The following RCAN2 variants were observed in gnomAD, a reference collection of about 807,000 sequenced individuals.
RCAN2 encodes the protein regulator of calcineurin 2.
Under a neutral mutation model 23.6 loss-of-function variants are expected in RCAN2, and 9 were observed. The observed-to-expected ratio is 0.38, with a 90% CI of 0.23 to 0.67. RCAN2 has a LOEUF of 0.67. RCAN2 is among the 30% of genes least tolerant of loss of function. The pLI is 0.51. For synonymous variants in RCAN2, 109 were observed against 115.7 expected, an observed-to-expected ratio of 0.94 and a Z score of 0.37; for missense variants, 273 against 302.3, an observed-to-expected ratio of 0.90 and a Z score of 0.72.
At chr6:46,463,129 G>A (rs1768273575) in intron 1 of RCAN2, among the ~76,000 whole-genome samples, 1 of 152,160 alleles carries the variant, frequency 6.6e-6, no homozygotes, top group South Asian at 2.1e-4. Context: ...TTGGCAACCT[G>A]GAGAGATCAT....
intron 2 of RCAN2, among the ~76,000 whole-genome samples, chr6:46,431,683 C>T (rs1258010963): frequency 6.6e-6 from 1 of 152,116 alleles, no homozygotes; most frequent in African/African-American, 2.4e-5. Flanking sequence ...AACAACAAAA[C>T]ATTTATTGGC....
chr6:46,273,831 T>G (rs2150334392), intron 2 of RCAN2, among the ~76,000 whole-genome samples: 1 of 152,262 alleles, frequency 6.6e-6, no homozygotes, highest in South Asian at 2.1e-4. Flanking sequence ...ATCATTTCCT[T>G]TTTAGAGAGC....
intron 2 of RCAN2, among the ~76,000 whole-genome samples, chr6:46,389,214 G>T (rs1765857751): frequency 6.6e-6 from 1 of 152,190 alleles, no homozygotes; most frequent in Non-Finnish European, 1.5e-5. Context: ...AGCAAAGTTT[G>T]ATGCAAGCTT....
chr6:46,248,315 T>C (rs1766589417), intron 3 of RCAN2, among the ~76,000 whole-genome samples: 1 of 152,226 alleles, frequency 6.6e-6, no homozygotes, highest in East Asian at 1.9e-4. Context: ...AAGTTTTAAT[T>C]ATAACCCTGA....
intron 1 of RCAN2, among the ~76,000 whole-genome samples, chr6:46,467,823 G>A (rs1345818239): frequency 6.6e-6 from 1 of 152,110 alleles, no homozygotes; most frequent in African/African-American, 2.4e-5. Flanking sequence ...TCGGCTCTTC[G>A]GAAGAGACTG....
At chr6:46,270,307 AG>A (rs2150332532) in intron 2 of RCAN2, among the ~76,000 whole-genome samples, 1 of 152,250 alleles carries the variant, frequency 6.6e-6, no homozygotes, top group South Asian at 2.1e-4. Flanking sequence ...GACCTTGCTG[AG>A]GGGCAATGGG....
intron 1 of RCAN2, among the ~76,000 whole-genome samples, chr6:46,477,624 C>T (rs943518317): frequency 5.9e-5 from 9 of 152,090 alleles, no homozygotes; most frequent in Non-Finnish European, 8.8e-5. Flanking sequence ...CCTATTAATA[C>T]AAATATTATC....
chr6:46,265,202 C>T (rs1158641224), intron 2 of RCAN2, among the ~76,000 whole-genome samples: 2 of 152,158 alleles, frequency 1.3e-5, no homozygotes, highest in Non-Finnish European at 2.9e-5. Flanking sequence ...AGGAAGAGAG[C>T]TTCACATAAG....
intron 2 of RCAN2, among the ~76,000 whole-genome samples, chr6:46,330,367 G>C (rs959017321): frequency 2.0e-5 from 3 of 152,148 alleles, no homozygotes; most frequent in African/African-American, 7.2e-5. Flanking sequence ...GAAAACCACA[G>C]CTCCACGTCT....
intron 2 of RCAN2, among the ~76,000 whole-genome samples, chr6:46,423,580 C>T (rs1409888699): frequency 1.3e-5 from 2 of 152,180 alleles, no homozygotes; most frequent in East Asian, 1.9e-4. Context: ...GTTTCACCTT[C>T]GATAGACATT....
At chr6:46,374,214 T>A (rs1765400698) in intron 2 of RCAN2, among the ~76,000 whole-genome samples, 1 of 152,184 alleles carries the variant, frequency 6.6e-6, no homozygotes, top group Non-Finnish European at 1.5e-5. Flanking sequence ...ACCTATTATA[T>A]CAAAACTCCT....
chr6:46,342,366 T>C (rs1387989246), intron 2 of RCAN2, among the ~76,000 whole-genome samples: 2 of 151,852 alleles, frequency 1.3e-5, no homozygotes, highest in African/African-American at 4.8e-5. Context: ...AGAATGCCAG[T>C]GGTGGAAACA....
chr6:46,326,623 T>C (rs1763804333), intron 2 of RCAN2, among the ~76,000 whole-genome samples: 1 of 152,236 alleles, frequency 6.6e-6, no homozygotes, highest in Non-Finnish European at 1.5e-5. Flanking sequence ...AAATTTCCAA[T>C]TGTTTTTTAT....
intron 2 of RCAN2, among the ~76,000 whole-genome samples, chr6:46,412,287 T>C (rs1405637394): frequency 6.6e-6 from 1 of 152,158 alleles, no homozygotes; most frequent in Non-Finnish European, 1.5e-5. Flanking sequence ...AGCTTTCTGG[T>C]GGGATATCTA....
chr6:46,353,076 G>T (rs1315667898), intron 2 of RCAN2, among the ~76,000 whole-genome samples: 1 of 152,190 alleles, frequency 6.6e-6, no homozygotes, highest in Non-Finnish European at 1.5e-5. Context: ...GTGGAGTAAA[G>T]GCAGTGCAGG....
At chr6:46,364,544 A>G (rs970020003) in intron 2 of RCAN2, among the ~76,000 whole-genome samples, 4 of 152,186 alleles carry the variant, frequency 2.6e-5, no homozygotes, top group African/African-American at 9.7e-5. Flanking sequence ...CCATGTGCTT[A>G]CGCGGAGACT....
chr6:46,467,611 T>C (rs1038850265), intron 1 of RCAN2, among the ~76,000 whole-genome samples: 8 of 152,094 alleles, frequency 5.3e-5, no homozygotes, highest in African/African-American at 1.4e-4. Flanking sequence ...TTGAAGTTGG[T>C]CTTGAATTTT....
At chr6:46,264,143 G>T (rs1282557163) in intron 2 of RCAN2, among the ~76,000 whole-genome samples, 1 of 152,192 alleles carries the variant, frequency 6.6e-6, no homozygotes, top group East Asian at 1.9e-4. Context: ...TCAACATTGA[G>T]GTGGAGGCTC....
intron 2 of RCAN2, among the ~76,000 whole-genome samples, chr6:46,419,467 A>C (rs1766808806): frequency 6.6e-6 from 1 of 152,164 alleles, no homozygotes; most frequent in Non-Finnish European, 1.5e-5. Flanking sequence ...AATCTATCAC[A>C]GCTTCAAACC....
Sources: gnomAD v4.1 joint callset for allele counts (sites outside exome capture counted in the v4.1 genomes callset) on GRCh38, gnomAD v4.1.1 for gene constraint, MANE v1.5 for transcripts, NCBI Gene and HGNC (gene_info 2026-07-23, HGNC 2026-07-21) for gene names.